PCNX1: variants seen among roughly 807,000 people sequenced by gnomAD.
PCNX1 encodes the protein pecanex-like protein 1.
Under a neutral mutation model 242.2 loss-of-function variants are expected in PCNX1, and 78 were observed. The ratio of observed to expected loss-of-function variants is 0.32; its 90% CI spans 0.27 to 0.39. The LOEUF (loss-of-function observed/expected upper bound fraction) is 0.39. PCNX1 is among the 10% of genes least tolerant of loss of function. The probability of loss-of-function intolerance (pLI) is 1.00; values close to 1 mark genes in which losing one functional copy is unlikely to be tolerated. For synonymous variants in PCNX1, 1,024 were observed against 1,032.9 expected (o/e 0.99, Z 0.17); for missense variants, 2,581 against 2,856.5 (o/e 0.90, Z 2.20).
chr14:70,971,836 AGG>A, intron 5 of PCNX1, among the ~76,000 whole-genome samples: 1 of 152,330 alleles, frequency 6.6e-6, no homozygotes, highest in Admixed American at 6.5e-5. Flanking sequence ...CATGCCTGTC[AGG>A]TTTGAGAAAT....
chr14:71,004,682 C>T (rs1390664145), intron 8 of PCNX1, among the ~76,000 whole-genome samples: 1 of 152,090 alleles, frequency 6.6e-6, no homozygotes, highest in African/African-American at 2.4e-5. Flanking sequence ...TGAGTAATTT[C>T]TGTGTGGGTA....
Position 70,907,818 on chromosome 14 carries a change from CGGCGGCGGCGACGGCGGCGGCGCCGGG to C in PCNX1, c.-32_-6del. The C allele has an allele frequency of 8.1e-7, 1 of 1,239,246 alleles. No individual in the cohort carries two copies. Among genetic ancestry groups the C allele is most frequent in the Non-Finnish European group, 1.0e-6 (1 of 989,718 alleles). The allele number at this position is 1,239,246 out of a possible 1,614,324, so 76.8% of individuals were successfully genotyped here. On this transcript the variant is annotated 5_prime_UTR_variant, in exon 1 of 36. Transcript: ENST00000304743. ...GGGGCCGGGGCGGGGACGGCGGCGG[CGGCGGCGGCGACGGCGGCGGCGCCGGG>C]TGGGGATGGGGTCGCAGACGCTGCA...
At chr14:70,956,268 C>T (rs369783329) in intron 2 of PCNX1, among the ~76,000 whole-genome samples, 1 of 152,078 alleles carries the variant, frequency 6.6e-6, no homozygotes, top group Non-Finnish European at 1.5e-5. Flanking sequence ...AAGGGCCAAG[C>T]GCAGTGGCTC....
chr14:71,010,365 G>A (rs1185478078), intron 9 of PCNX1, among the ~76,000 whole-genome samples: 2 of 151,870 alleles, frequency 1.3e-5, no homozygotes, highest in Non-Finnish European at 2.9e-5. Flanking sequence ...CTTTCTTTAT[G>A]TAATTTTAAA....
At chr14:70,929,617 A>G (rs993636741) in intron 1 of PCNX1, among the ~76,000 whole-genome samples, 3 of 152,234 alleles carry the variant, frequency 2.0e-5, no homozygotes, top group African/African-American at 7.2e-5. Context: ...AGATAAGAAT[A>G]TGTACTTATG....
chr14:71,075,418 T>A (rs1158146121), intron 27 of PCNX1, among the ~76,000 whole-genome samples: 1 of 152,198 alleles, frequency 6.6e-6, no homozygotes, highest in African/African-American at 2.4e-5. Context: ...GATTTCACAA[T>A]ATTTTTTACT....
intron 6 of PCNX1, among the ~76,000 whole-genome samples, chr14:70,987,481 A>G (rs757855036): frequency 2.0e-5 from 3 of 152,214 alleles, no homozygotes; most frequent in Non-Finnish European, 4.4e-5. Context: ...GCCATATATA[A>G]TTTTTGTATA....
At chr14:70,940,812 G>A (rs2057208009) in intron 1 of PCNX1, among the ~76,000 whole-genome samples, 1 of 152,060 alleles carries the variant, frequency 6.6e-6, no homozygotes, top group Non-Finnish European at 1.5e-5. Context: ...ATTTCTTGGA[G>A]GTTTTGTTCT....
chr14:71,063,746 C>T (rs1336018813), intron 26 of PCNX1, among the ~76,000 whole-genome samples: 1 of 152,160 alleles, frequency 6.6e-6, no homozygotes, highest in Non-Finnish European at 1.5e-5. Flanking sequence ...TTTTATTTGT[C>T]TATCCTGGAT....
At chr14:70,976,372 C>CT (rs869087088) in intron 5 of PCNX1, among the ~76,000 whole-genome samples, 4,963 of 82,640 alleles carry the variant, frequency 0.06, 145 homozygotes, top group East Asian at 0.18. Context: ...TTCTTTCTTT[C>CT]TTTTTTTTTT....
intron 8 of PCNX1, among the ~76,000 whole-genome samples, chr14:70,999,014 G>A (rs900308210): frequency 2.6e-5 from 4 of 152,054 alleles, no homozygotes; most frequent in Non-Finnish European, 5.9e-5. Flanking sequence ...ATTGCTATTT[G>A]TTGTTGATTT....
At chr14:71,038,789 A>G (rs1256695362) in intron 19 of PCNX1, among the ~76,000 whole-genome samples, 1 of 151,992 alleles carries the variant, frequency 6.6e-6, no homozygotes, top group Admixed American at 6.6e-5. Context: ...TTATTGTGGC[A>G]TTATTCACAA....
At chr14:70,952,554 C>T (rs534809838) in intron 2 of PCNX1, among the ~76,000 whole-genome samples, 54 of 152,126 alleles carry the variant, frequency 3.5e-4, no homozygotes, top group African/African-American at 1.2e-3. Flanking sequence ...CTAAGAGAAT[C>T]ATACAGTATG....
chr14:71,084,175 G>A (rs1228288748), intron 28 of PCNX1, among the ~76,000 whole-genome samples: 1 of 152,204 alleles, frequency 6.6e-6, no homozygotes, highest in Non-Finnish European at 1.5e-5. Context: ...ATCACCAGTG[G>A]AGGCTGCAGA....
At chr14:71,069,643 G>C (rs867245199) in intron 26 of PCNX1, among the ~76,000 whole-genome samples, 1 of 152,184 alleles carries the variant, frequency 6.6e-6, no homozygotes, top group Non-Finnish European at 1.5e-5. Flanking sequence ...ATATGGTAGT[G>C]TATTAAATGT....
In PCNX1 at chr14:71,047,087, C is replaced by A; in HGVS notation, c.4142C>A (p.Pro1381Gln). The A allele has an allele frequency of 6.2e-7, 1 of 1,603,316 alleles. No homozygotes were observed. The highest frequency in any genetic ancestry group is 8.5e-7 in the Non-Finnish European group (1 of 1,172,626). Residue 1381 changes from proline to glutamine, a missense_variant, in exon 21 of 36, where the codon CCA (proline) becomes CAA (glutamine). By Grantham distance (76) the Pro-to-Gln change is moderately conservative. This residue lies in a region of PCNX1 where 432 missense variants were observed against 443.1 expected (regional missense o/e 0.97). Coordinates refer to ENST00000304743, the MANE Select transcript of PCNX1 (RefSeq NM_014982.3). ...AGCAGTGCAGAGACAATTGCTAGTC[C>A]AAAGAAACTGAATACAGAGTAAGTA... ...LSSSAETIAS[P>Q]KKLNTELGAL... is the part of the protein sequence containing the mutation.
chr14:71,084,513 C>A (rs775320800), intron 28 of PCNX1, among the ~76,000 whole-genome samples: 18 of 152,224 alleles, frequency 1.2e-4, no homozygotes, highest in Admixed American at 4.6e-4. Flanking sequence ...AAGCCGCTGA[C>A]TGGGGCTGCT....
chr14:70,950,214 AT>A (rs1314161053), intron 2 of PCNX1, among the ~76,000 whole-genome samples: 1 of 152,092 alleles, frequency 6.6e-6, no homozygotes, highest in Non-Finnish European at 1.5e-5. Flanking sequence ...TTATCTTAAC[AT>A]TTATTTGCAT....
intron 7 of PCNX1, among the ~76,000 whole-genome samples, chr14:70,994,394 A>AAGATATAGAT (rs1566672687): frequency 2.2e-5 from 1 of 44,742 alleles, no homozygotes; most frequent in African/African-American, 9.2e-5. Context: ...CCACAGGCTT[A>AAGATATAGAT]AGATATATAT....
Sources: allele counts gnomAD v4.1 joint callset (sites outside exome capture counted in the v4.1 genomes callset), GRCh38; gene constraint gnomAD v4.1.1; regional missense constraint gnomAD v4.1.1; transcripts MANE v1.5; gene names NCBI Gene and HGNC (gene_info 2026-07-23, HGNC 2026-07-21).